Variants in SCAI observed in about 807,000 individuals in gnomAD.
SCAI encodes suppressor of cancer cell invasion.
A neutral mutation model predicts 92.2 loss-of-function variants in SCAI; 24 were observed. The ratio of observed to expected loss-of-function variants is 0.26; its 90% CI spans 0.19 to 0.37. The LOEUF is 0.37. SCAI is among the 10% of genes least tolerant of loss of function. The pLI is 1.00. For synonymous variants in SCAI, 261 were observed against 258.6 expected, an observed-to-expected ratio of 1.01 and a Z score of -0.09; for missense variants, 450 against 736.2, an observed-to-expected ratio of 0.61 and a Z score of 4.50.
intron 6 of SCAI, among the ~76,000 whole-genome samples, chr9:125,022,177 C>T (rs949956598): frequency 6.6e-6 from 1 of 151,924 alleles, no homozygotes; most frequent in Non-Finnish European, 1.5e-5. Flanking sequence ...TTAATTTCCC[C>T]ACTTTAAAAA....
intron 2 of SCAI, among the ~76,000 whole-genome samples, chr9:125,084,362 G>A (rs1348940851): frequency 6.6e-6 from 1 of 151,794 alleles, no homozygotes; most frequent in Admixed American, 6.6e-5. Context: ...AGTAGAGACG[G>A]GGTTTCACCG....
intron 2 of SCAI, among the ~76,000 whole-genome samples, chr9:125,108,875 G>A (rs867732828): frequency 6.6e-6 from 1 of 152,254 alleles, no homozygotes; most frequent in African/African-American, 2.4e-5. Flanking sequence ...ACAGCTCACT[G>A]AGAACGGGCC....
chr9:125,029,762 A>T (rs1432756126), intron 3 of SCAI, 23 bp from the exon 4 acceptor site: 1 of 1,363,910 alleles, frequency 7.3e-7, no homozygotes, highest in Non-Finnish European at 1.0e-6. Context: ...ATGAGTATGT[A>T]TTAATATTAA....
chr9:125,043,147 C>T (rs558429203), intron 3 of SCAI, among the ~76,000 whole-genome samples: 2 of 151,482 alleles, frequency 1.3e-5, no homozygotes, highest in Admixed American at 6.6e-5. Context: ...GAATTACAGG[C>T]GTGAGCCACT....
In SCAI at chr9:125,026,244, C is replaced by A. The variant is rs527561555; in HGVS notation, c.512+568G>T. On this transcript the variant is annotated intron_variant, in intron 6 of 17. Transcript: ENST00000336505. ...AAAAAATTAGCCGGGGGTGGTGACA[C>A]AAGCCTGTAATCCCAGCTACTTGGG... is the stretch of plus-strand genomic sequence containing the variant. 2.8e-3 allele frequency among the ~76,000 whole-genome samples: 430 copies of A among 152,156 alleles called. 3 individuals carry two copies. The highest frequency in any genetic ancestry group is 0.01 in the African/African-American group (417 of 41,514).
Position 125,042,858 on chromosome 9 carries a change from CTTTTTTTTTTTTTTTTTT to C in SCAI, c.230+13000_230+13017del, listed in dbSNP as rs770118712. On this transcript the variant is annotated intron_variant, in intron 3 of 17. Transcript: ENST00000336505. ...TCTGGGACCACATTCTGCTCCCTGGCTTTTTTTTTTTTTTTTTTTTTTTTTTTTTTGACAGAGTCTCAC... is the reference window on the plus strand; with the variant it reads ...TCTGGGACCACATTCTGCTCCCTGGCTTTTTTTTTTTTGACAGAGTCTCAC... Among the ~76,000 whole-genome samples the C allele has an allele frequency of 1.6e-4, 8 of 50,998 alleles. 1 individual carries two copies. In the Admixed American group the frequency reaches 1.8e-3, roughly 11 times the overall value. The allele number at this position is 50,998 out of a possible 152,430, so 33.5% of individuals were successfully genotyped here.
chr9:124,955,567 G>A (rs1831303312), intron 17 of SCAI, among the ~76,000 whole-genome samples: 1 of 151,988 alleles, frequency 6.6e-6, no homozygotes, highest in African/African-American at 2.4e-5. Flanking sequence ...GTTGCAGTGA[G>A]CTGAGAGCAC....
At chr9:125,088,013 A>C (rs1340159749) in intron 2 of SCAI, among the ~76,000 whole-genome samples, 1 of 152,202 alleles carries the variant, frequency 6.6e-6, no homozygotes, top group Non-Finnish European at 1.5e-5. Flanking sequence ...GGGATTAATT[A>C]TTCTATTTAA....
intron 17 of SCAI, among the ~76,000 whole-genome samples, chr9:124,963,485 C>A (rs1326838654): frequency 1.3e-5 from 2 of 151,920 alleles, no homozygotes; most frequent in Non-Finnish European, 2.9e-5. Context: ...CACGGTGGCT[C>A]ACACCTGTAA....
intron 2 of SCAI, among the ~76,000 whole-genome samples, chr9:125,098,089 C>T (rs955860181): frequency 4.6e-5 from 7 of 151,850 alleles, no homozygotes; most frequent in African/African-American, 7.3e-5. Flanking sequence ...GGGTCTCACT[C>T]TGTTGCCCAG....
At chr9:125,132,863 G>GC (rs1294319892) in intron 2 of SCAI, among the ~76,000 whole-genome samples, 1 of 152,146 alleles carries the variant, frequency 6.6e-6, no homozygotes, top group Non-Finnish European at 1.5e-5. Context: ...TACTCAGGAG[G>GC]CTGAGGCAGG....
At chr9:125,029,224 C>T (rs1240095158) in intron 4 of SCAI, among the ~76,000 whole-genome samples, 1 of 152,100 alleles carries the variant, frequency 6.6e-6, no homozygotes, top group East Asian at 1.9e-4. Context: ...AGGGTTCAAG[C>T]GATTCTCGTG....
At chr9:125,041,499 G>C (rs1396590804) in intron 3 of SCAI, among the ~76,000 whole-genome samples, 1 of 152,168 alleles carries the variant, frequency 6.6e-6, no homozygotes, top group African/African-American at 2.4e-5. Flanking sequence ...GCACTTGCCT[G>C]CAAGTTCCTT....
At chr9:124,963,838 G>A (rs1375363380) in intron 17 of SCAI, among the ~76,000 whole-genome samples, 1 of 150,938 alleles carries the variant, frequency 6.6e-6, no homozygotes, top group Non-Finnish European at 1.5e-5. Flanking sequence ...AAATGGAAGT[G>A]GATTATCATA....
chr9:124,996,683 G>C (rs1278303551), intron 13 of SCAI, among the ~76,000 whole-genome samples: 3 of 151,812 alleles, frequency 2.0e-5, no homozygotes, highest in Non-Finnish European at 4.4e-5. Flanking sequence ...AGACTGGAGT[G>C]CAGTGGTATG....
At chr9:124,981,873 G>A (rs530638752) in intron 14 of SCAI, among the ~76,000 whole-genome samples, 23 of 149,176 alleles carry the variant, frequency 1.5e-4, no homozygotes, top group African/African-American at 5.9e-4. Context: ...TTGAACTCTT[G>A]GCCTCTAGCA....
At chr9:124,999,797 G>A (rs1832319609) in intron 13 of SCAI, 94 bp downstream of exon 13, 1 of 670,068 alleles carries the variant, frequency 1.5e-6, no homozygotes, top group Non-Finnish European at 2.6e-6. Context: ...AATCATTCTA[G>A]TACTAGAAAA....
In SCAI at chr9:124,960,470, A is replaced by G. The variant is rs545497178; in HGVS notation, c.1675-7517T>C. 2.0e-5 allele frequency among the ~76,000 whole-genome samples: 3 copies of G among 152,330 alleles called. No individual in the cohort carries two copies. The East Asian group carries it at 5.8e-4, about 29-fold the overall frequency. On this transcript the variant is annotated intron_variant, in intron 17 of 17. Coordinates refer to ENST00000336505, the MANE Select transcript of SCAI (RefSeq NM_001144877.3). ...GCCTGAACTGTGGTATGCTCAGACA[A>G]TGGAATACTACTCAGTAACAAAAAG...
chr9:125,109,229 G>A (rs373076039), intron 2 of SCAI, among the ~76,000 whole-genome samples: 8 of 151,818 alleles, frequency 5.3e-5, no homozygotes, highest in South Asian at 2.1e-4. Flanking sequence ...GCGGAAGGCC[G>A]CAGGGTCCTC....
Sources: allele counts gnomAD v4.1 joint callset (sites outside exome capture counted in the v4.1 genomes callset), GRCh38; gene constraint gnomAD v4.1.1; transcripts MANE v1.5; gene names NCBI Gene and HGNC (gene_info 2026-07-23, HGNC 2026-07-21).